The following ARHGEF38 variants were observed in gnomAD, a reference collection of about 807,000 sequenced individuals.
The protein encoded by ARHGEF38 is Rho guanine nucleotide exchange factor 38, also known as Rho guanine nucleotide exchange factor (GEF) 38.
Under a neutral mutation model 79.9 loss-of-function variants are expected in ARHGEF38, and 79 were observed. That is an observed-to-expected ratio of 0.99 (90% CI 0.82 to 1.19). ARHGEF38 has a LOEUF of 1.19. ARHGEF38 is among the 50% of genes most tolerant of loss of function. ARHGEF38 has a pLI of 0.00. For missense variants in ARHGEF38, 962 were observed against 907.2 expected (o/e 1.06, Z -0.78); for synonymous variants, 366 against 328.3 (o/e 1.11, Z -1.24).
intron 6 of ARHGEF38, among the ~76,000 whole-genome samples, chr4:105,645,851 T>C (rs565504947): frequency 6.6e-6 from 1 of 152,350 alleles, no homozygotes; most frequent in East Asian, 1.9e-4. Context: ...GGAGCTTTTG[T>C]GGCAATAATT....
Position 105,552,711 on chromosome 4 carries a change from G to T in ARHGEF38, c.-55G>T. The T allele has an allele frequency of 4.1e-6, 6 of 1,449,798 alleles. No individual in the cohort carries two copies. Among genetic ancestry groups the T allele is most frequent in the Non-Finnish European group, 5.6e-6 (6 of 1,063,166 alleles). 89.8% of individuals were successfully genotyped at this position (1,449,798 alleles called of 1,614,324 possible). A position where few individuals can be genotyped will look rare whatever the true frequency, so the allele number is the denominator to read the frequency against. On this transcript the variant is annotated 5_prime_UTR_variant, in exon 1 of 14. Coordinates refer to ENST00000420470, the MANE Select transcript of ARHGEF38 (RefSeq NM_001242729.2). Reference sequence around the variant, plus strand: ...TAGTAGCTTTAACCCTCACCCTGAGGCACCTTAGCAATCAGCCATTGCCTG... The same window carrying T: ...TAGTAGCTTTAACCCTCACCCTGAGTCACCTTAGCAATCAGCCATTGCCTG...
At chr4:105,654,833 T>C (rs1000901687) in intron 8 of ARHGEF38, among the ~76,000 whole-genome samples, 20 of 152,206 alleles carry the variant, frequency 1.3e-4, no homozygotes, top group African/African-American at 4.6e-4. Context: ...CCATGACACA[T>C]AGAAAGTTAG....
intron 4 of ARHGEF38, 46 bp downstream of exon 4, chr4:105,631,091 A>G: frequency 6.4e-7 from 1 of 1,569,576 alleles, no homozygotes; most frequent in Non-Finnish European, 8.6e-7. Context: ...TCAGTTGCCT[A>G]GCAGGGAACA....
At chr4:105,590,400 C>T (rs186324483) in intron 2 of ARHGEF38, among the ~76,000 whole-genome samples, 7 of 152,262 alleles carry the variant, frequency 4.6e-5, no homozygotes, top group Non-Finnish European at 8.8e-5. Context: ...AGAAATTCCA[C>T]GGTCAAAGAA....
At chr4:105,617,137 A>G (rs1340148563) in intron 3 of ARHGEF38, among the ~76,000 whole-genome samples, 1 of 152,236 alleles carries the variant, frequency 6.6e-6, no homozygotes, top group Non-Finnish European at 1.5e-5. Context: ...TTCAATTCAC[A>G]GAACCAAAGA....
At chr4:105,646,264 C>T (rs1729834747) in intron 6 of ARHGEF38, among the ~76,000 whole-genome samples, 1 of 152,094 alleles carries the variant, frequency 6.6e-6, no homozygotes. Context: ...AGTAAGAAAA[C>T]TCCGTGAACA....
intron 4 of ARHGEF38, chr4:105,633,094 T>C (rs900931705): frequency 1.0e-4 from 16 of 152,650 alleles, no homozygotes; most frequent in African/African-American, 3.9e-4. Flanking sequence ...CCCCAAATTT[T>C]GAGTTTAGAG....
intron 13 of ARHGEF38, among the ~76,000 whole-genome samples, chr4:105,672,540 T>A (rs1351144988): frequency 2.6e-5 from 4 of 152,244 alleles, no homozygotes; most frequent in African/African-American, 9.6e-5. Flanking sequence ...CCCATTCTAA[T>A]GTATTCTCTC....
intron 8 of ARHGEF38, 149 bp from the exon 9 acceptor site, chr4:105,655,454 A>G: frequency 2.5e-6 from 2 of 807,178 alleles, no homozygotes; most frequent in East Asian, 2.8e-5. Flanking sequence ...ACCTGATTGT[A>G]CAGAGCATTT....
chr4:105,619,729 C>T (rs920761128), intron 3 of ARHGEF38, among the ~76,000 whole-genome samples: 8 of 152,044 alleles, frequency 5.3e-5, no homozygotes, highest in Non-Finnish European at 1.2e-4. Flanking sequence ...TAGCAGCAGC[C>T]CTATGTGACT....
At chr4:105,634,289 C>T (rs1729314028) in intron 4 of ARHGEF38, among the ~76,000 whole-genome samples, 2 of 152,126 alleles carry the variant, frequency 1.3e-5, no homozygotes, top group African/African-American at 4.8e-5. Context: ...TAAGCAGTAA[C>T]TACAGAGTTT....
chr4:105,645,610 C>A (rs1729806504), intron 6 of ARHGEF38, among the ~76,000 whole-genome samples: 1 of 152,136 alleles, frequency 6.6e-6, no homozygotes, highest in African/African-American at 2.4e-5. Flanking sequence ...ATCAAGCAGC[C>A]ATATGCTCAA....
downstream of ARHGEF38, among the ~76,000 whole-genome samples, chr4:105,681,167 C>T (rs1731297882): frequency 1.3e-5 from 2 of 151,944 alleles, no homozygotes; most frequent in Admixed American, 6.6e-5. Context: ...GGTAAACAGA[C>T]ATTTACTGCC....
Position 105,596,409 on chromosome 4 carries a change from AC to A in ARHGEF38, c.384+6977del, listed in dbSNP as rs536228459. Reference sequence around the variant, plus strand: ...TGCTGTAGCGTCAGCCATCATACCAACCCTGTCAGAGAAGGCTGCGTGTGAG... The same window carrying A: ...TGCTGTAGCGTCAGCCATCATACCAACCTGTCAGAGAAGGCTGCGTGTGAG... On this transcript the variant is annotated intron_variant, in intron 2 of 13. Transcript: ENST00000420470. 5.3e-4 allele frequency among the ~76,000 whole-genome samples: 80 copies of A among 152,210 alleles called. No homozygotes were observed. The South Asian group carries it at 0.016, about 30-fold the overall frequency.
At chr4:105,645,142 A>G (rs1729782311) in intron 5 of ARHGEF38, 46 bp from the exon 6 acceptor site, 1 of 1,230,760 alleles carries the variant, frequency 8.1e-7, no homozygotes, top group Non-Finnish European at 1.0e-6. Flanking sequence ...AAATGTGTTA[A>G]TAAAACATAT....
chr4:105,645,113 T>C (rs754454036), intron 5 of ARHGEF38, 75 bp from the exon 6 acceptor site: 18 of 1,108,636 alleles, frequency 1.6e-5, no homozygotes, highest in Non-Finnish European at 2.1e-5. Flanking sequence ...GAAGTAATCA[T>C]AAAAACACAC....
intron 1 of ARHGEF38, chr4:105,570,227 A>C (rs1726152241): frequency 6.6e-6 from 1 of 152,226 alleles, no homozygotes; most frequent in Non-Finnish European, 1.5e-5. Context: ...TAAATAATGC[A>C]TATTTTAAAA....
Position 105,679,522 on chromosome 4 carries a change from C to T in ARHGEF38, c.*1585C>T. 1.5e-6 allele frequency: 2 copies of T among 1,359,352 alleles called. No homozygotes were observed. The highest frequency in any genetic ancestry group is 2.1e-6 in the Non-Finnish European group (2 of 950,406). 84.2% of individuals were successfully genotyped at this position (1,359,352 alleles called of 1,614,324 possible). A position where few individuals can be genotyped will look rare whatever the true frequency, so the allele number is the denominator to read the frequency against. On this transcript the variant is annotated 3_prime_UTR_variant, in exon 14 of 14. Transcript: ENST00000420470. ...AAAGATCATGGTTCAAAGCTTGATA[C>T]ACCAGAAATGTGGGCTAAAGCTGCA...
intron 4 of ARHGEF38, among the ~76,000 whole-genome samples, chr4:105,633,374 T>C (rs1729272256): frequency 6.6e-6 from 1 of 152,200 alleles, no homozygotes; most frequent in African/African-American, 2.4e-5. Context: ...CTTTAAATTC[T>C]GAGAAACAGG....
Sources: allele counts gnomAD v4.1 joint callset (sites outside exome capture counted in the v4.1 genomes callset), GRCh38; gene constraint gnomAD v4.1.1; transcripts MANE v1.5; gene names NCBI Gene and HGNC (gene_info 2026-07-23, HGNC 2026-07-21).